The following CAPN8 variants were observed in gnomAD, a reference collection of about 807,000 sequenced individuals.
CAPN8 encodes calpain-8.
A neutral mutation model predicts 80.9 loss-of-function variants in CAPN8; 87 were observed. That is an observed-to-expected ratio of 1.07 (90% CI 0.90 to 1.28). The LOEUF (loss-of-function observed/expected upper bound fraction) is 1.28, where lower values mean the gene tolerates loss of function less well. Among genes scored for constraint, CAPN8 ranks in the 50% most tolerant of loss-of-function variants. The pLI is 0.00. For missense variants in CAPN8, 757 were observed against 702.0 expected (o/e 1.08, Z -0.89); for synonymous variants, 299 against 273.8 (o/e 1.09, Z -0.91).
intron 9 of CAPN8, 127 bp downstream of exon 9, chr1:223,619,166 C>T: frequency 8.7e-7 from 1 of 1,149,122 alleles, no homozygotes; most frequent in Non-Finnish European, 1.2e-6. Flanking sequence ...TACACTCCAA[C>T]CTGGGGAACA....
chr1:223,664,631 C>A (rs1658737140), intron 1 of CAPN8, among the ~76,000 whole-genome samples: 1 of 152,170 alleles, frequency 6.6e-6, no homozygotes, highest in Non-Finnish European at 1.5e-5. Flanking sequence ...CTCTCTATAC[C>A]TCACCATCTC....
At chr1:223,614,812 G>C (rs1418078847) in intron 10 of CAPN8, among the ~76,000 whole-genome samples, 1 of 152,208 alleles carries the variant, frequency 6.6e-6, no homozygotes, top group Non-Finnish European at 1.5e-5. Context: ...CATACACTAA[G>C]TGCCTACTCA....
chr1:223,643,903 C>A (rs1220622447), intron 2 of CAPN8, among the ~76,000 whole-genome samples: 1 of 152,072 alleles, frequency 6.6e-6, no homozygotes, highest in Non-Finnish European at 1.5e-5. Context: ...ACAGTACTGG[C>A]CAGCATAATG....
At chr1:223,546,781 T>C (rs1656633218) in intron 16 of CAPN8, among the ~76,000 whole-genome samples, 1 of 152,222 alleles carries the variant, frequency 6.6e-6, no homozygotes, top group Non-Finnish European at 1.5e-5. Flanking sequence ...TCAAAACCTT[T>C]GTCCCAGAAC....
At chr1:223,619,157 A>G in intron 9 of CAPN8, 136 bp downstream of exon 9, 3 of 1,043,476 alleles carry the variant, frequency 2.9e-6, no homozygotes, top group South Asian at 1.7e-5. Flanking sequence ...TCGTGCCACT[A>G]CACTCCAACC....
At chr1:223,557,443 A>G (rs1389192078) in intron 13 of CAPN8, among the ~76,000 whole-genome samples, 1 of 152,124 alleles carries the variant, frequency 6.6e-6, no homozygotes, top group South Asian at 2.1e-4. Context: ...TGCCCCACCC[A>G]GGCCAGTGCC....
At chr1:223,650,853 A>G (rs188484275) in intron 2 of CAPN8, among the ~76,000 whole-genome samples, 65 of 152,328 alleles carry the variant, frequency 4.3e-4, no homozygotes, top group African/African-American at 1.5e-3. Context: ...TGCTATATTC[A>G]TTGGACAAAG....
chr1:223,625,551 C>G (rs1657546741), intron 6 of CAPN8, among the ~76,000 whole-genome samples: 1 of 152,152 alleles, frequency 6.6e-6, no homozygotes, highest in South Asian at 2.1e-4. Flanking sequence ...CCCACTTCAG[C>G]CTCCCAAAGT....
rs543219423 is a variant in CAPN8, at chr1:223,645,426, C to A, written c.307+8904G>T. Reference sequence around the variant, plus strand: ...CAATCAAGTTGACACTCGGTATTAACCATCAGGCCCTCCAACTCTGGATAC... The same window carrying A: ...CAATCAAGTTGACACTCGGTATTAAACATCAGGCCCTCCAACTCTGGATAC... On this transcript the variant is annotated intron_variant, in intron 2 of 20. Coordinates refer to ENST00000366872, the MANE Select transcript of CAPN8 (RefSeq NM_001143962.2). Among the ~76,000 whole-genome samples the A allele has an allele frequency of 3.0e-4, 45 of 152,294 alleles. 1 individual carries two copies. The highest frequency in any genetic ancestry group is 6.5e-5 in the Admixed American group (1 of 15,300).
In CAPN8 at chr1:223,645,481, C is replaced by T. The variant is rs146348544; in HGVS notation, c.307+8849G>A. On this transcript the variant is annotated intron_variant, in intron 2 of 20. Transcript: ENST00000366872. ...GATCCAGCAGAGAAAGGAGACACTG[C>T]TCCCAAGCAGACACGCAAAACAAGT... 7.0e-4 allele frequency among the ~76,000 whole-genome samples: 106 copies of T among 152,316 alleles called. No individual in the cohort carries two copies. In the East Asian group the frequency reaches 0.012, roughly 17 times the overall value.
chr1:223,648,886 G>A (rs1232869728), intron 2 of CAPN8, among the ~76,000 whole-genome samples: 5 of 152,128 alleles, frequency 3.3e-5, no homozygotes, highest in Non-Finnish European at 5.9e-5. Context: ...AATAGATGGG[G>A]AAGGCAGGAG....
chr1:223,638,807 G>A (rs1018990284), intron 2 of CAPN8, among the ~76,000 whole-genome samples: 5 of 152,266 alleles, frequency 3.3e-5, no homozygotes, highest in Non-Finnish European at 2.9e-5. Flanking sequence ...CATTCACCCC[G>A]TTACCACCTG....
rs1160262375 is a variant in CAPN8 at position 223,625,804 on chromosome 1, C to T, written c.813+1G>A. On this transcript the variant is annotated splice_donor_variant, in intron 6 of 20. Coordinates refer to ENST00000366872, the MANE Select transcript of CAPN8 (RefSeq NM_001143962.2). LOFTEE classifies it high-confidence loss of function. ...CTTCCCCACCTTCCACACAATTTTA[C>T]CTCTTCGACTCCAGTGACAGAGTAC... 1.9e-6 allele frequency: 3 copies of T among 1,549,594 alleles called. No individual in the cohort carries two copies. The highest frequency in any genetic ancestry group is 1.7e-4 in the Middle Eastern group (1 of 5,988).
chr1:223,552,684 C>T (rs1053041715), intron 14 of CAPN8, among the ~76,000 whole-genome samples: 7 of 152,206 alleles, frequency 4.6e-5, no homozygotes, highest in Non-Finnish European at 8.8e-5. Flanking sequence ...GACCTTGACC[C>T]CGTCGTTCAT....
intron 2 of CAPN8, among the ~76,000 whole-genome samples, chr1:223,650,949 G>C (rs1010166595): frequency 6.6e-6 from 1 of 152,216 alleles, no homozygotes; most frequent in Non-Finnish European, 1.5e-5. Context: ...GCTGGAACGA[G>C]CAGTGGAGGG....
intron 1 of CAPN8, among the ~76,000 whole-genome samples, chr1:223,656,403 T>G (rs989834267): frequency 6.6e-6 from 1 of 151,888 alleles, no homozygotes; most frequent in African/African-American, 2.4e-5. Flanking sequence ...GAGGTTGCAG[T>G]AAGCCAAGAT....
chr1:223,547,907 C>T (rs886764406), intron 16 of CAPN8, among the ~76,000 whole-genome samples: 1 of 152,194 alleles, frequency 6.6e-6, no homozygotes, highest in African/African-American at 2.4e-5. Context: ...TTAACAGTTC[C>T]TTGCAGTCCA....
chr1:223,625,874 G>A lies in CAPN8; in HGVS notation c.744C>T (p.Ala248=), dbSNP rs1395447736. 19 of 1,551,408 alleles carry A rather than the reference G, an allele frequency of 1.2e-5. No homozygotes were observed. The highest frequency in any genetic ancestry group is 2.7e-5 in the African/African-American group (2 of 73,140). ...TCTGGCTGGTGATGGCTTCGGCTTC[G>A]GCTGCACTGGAGACCTGCGTAGAGA... The part of the protein sequence containing the change: ...LGCSIDVSSA[A]EAEAITSQKL... Residue 248 remains alanine (A), a synonymous_variant, in exon 6 of 21, where the codon GCC becomes GCT. Transcript: ENST00000366872.
At chr1:223,619,034 T>G (rs550487783) in intron 9 of CAPN8, among the ~76,000 whole-genome samples, 90 of 152,010 alleles carry the variant, frequency 5.9e-4, no homozygotes, top group Non-Finnish European at 1.1e-3. Flanking sequence ...TACAAAAACA[T>G]TTTTTAAAAA....
Sources: allele counts gnomAD v4.1 joint callset (sites outside exome capture counted in the v4.1 genomes callset), GRCh38; gene constraint gnomAD v4.1.1; transcripts MANE v1.5; gene names NCBI Gene and HGNC (gene_info 2026-07-23, HGNC 2026-07-21).